Variants in GPC5 observed in about 807,000 individuals in gnomAD.
GPC5 encodes the protein glypican-5.
A neutral mutation model predicts 53.9 loss-of-function variants in GPC5; 47 were observed. The observed-to-expected ratio is 0.87, with a 90% CI of 0.69 to 1.11. GPC5 has a LOEUF of 1.11. Ranked by LOEUF, GPC5 falls within the 50% of genes most tolerant of loss-of-function variation. GPC5 has a pLI of 0.00. For synonymous variants in GPC5, 286 were observed against 263.3 expected (o/e 1.09, Z -0.84); for missense variants, 748 against 713.1 (o/e 1.05, Z -0.56).
intron 6 of GPC5, among the ~76,000 whole-genome samples, chr13:92,132,468 T>C (rs182524303): frequency 6.6e-6 from 1 of 152,080 alleles, no homozygotes; most frequent in Non-Finnish European, 1.5e-5. Context: ...CAGAAGGATA[T>C]GAGGGAGGCT....
At chr13:92,325,856 G>C (rs182047083) in intron 7 of GPC5, among the ~76,000 whole-genome samples, 170 of 152,112 alleles carry the variant, frequency 1.1e-3, no homozygotes, top group Non-Finnish European at 2.2e-3. Context: ...TGGCACAGAG[G>C]GGGTGACGTT....
intron 7 of GPC5, among the ~76,000 whole-genome samples, chr13:92,586,341 A>T (rs1268676352): frequency 6.6e-6 from 1 of 152,246 alleles, no homozygotes; most frequent in Non-Finnish European, 1.5e-5. Context: ...AAGACCATGC[A>T]CTATTCTTAG....
intron 6 of GPC5, among the ~76,000 whole-genome samples, chr13:91,976,890 ATT>A: frequency 6.6e-6 from 1 of 151,936 alleles, no homozygotes; most frequent in African/African-American, 2.4e-5. Context: ...AAACACAAAA[ATT>A]AGCTCGCATG....
intron 7 of GPC5, among the ~76,000 whole-genome samples, chr13:92,838,250 C>T (rs1022713052): frequency 1.3e-4 from 20 of 151,780 alleles, no homozygotes; most frequent in African/African-American, 4.4e-4. Flanking sequence ...TTTGGGAGGC[C>T]GCGGAGGGCG....
chr13:92,609,860 G>C (rs1412093473), intron 7 of GPC5, among the ~76,000 whole-genome samples: 2 of 151,570 alleles, frequency 1.3e-5, no homozygotes, highest in East Asian at 1.9e-4. Flanking sequence ...GTGAAATCCC[G>C]TCTCTACTAA....
At chr13:92,725,684 A>T (rs1378706347) in intron 7 of GPC5, among the ~76,000 whole-genome samples, 1 of 151,666 alleles carries the variant, frequency 6.6e-6, no homozygotes, top group Non-Finnish European at 1.5e-5. Context: ...TCAAATTCTC[A>T]TGTTAAATCT....
intron 7 of GPC5, among the ~76,000 whole-genome samples, chr13:92,406,256 G>A (rs1032322221): frequency 3.3e-5 from 5 of 152,150 alleles, no homozygotes; most frequent in Non-Finnish European, 7.3e-5. Context: ...CAATCACCAG[G>A]AGAGATGCAT....
chr13:91,618,138 T>C (rs9560831), intron 2 of GPC5, among the ~76,000 whole-genome samples: 73,572 of 151,898 alleles, frequency 0.48, 21,024 homozygotes, highest in Non-Finnish European at 0.62. Context: ...ACACAGACAT[T>C]AGAAGGGTGA....
At chr13:92,432,670 T>C (rs1159057549) in intron 7 of GPC5, among the ~76,000 whole-genome samples, 2 of 151,598 alleles carry the variant, frequency 1.3e-5, no homozygotes, top group Non-Finnish European at 1.5e-5. Flanking sequence ...CCATGACGCC[T>C]GGCCATAAAC....
chr13:92,290,131 T>C (rs2042983370), intron 7 of GPC5, among the ~76,000 whole-genome samples: 1 of 152,212 alleles, frequency 6.6e-6, no homozygotes, highest in African/African-American at 2.4e-5. Context: ...TTATACAATT[T>C]TAAGGTAATG....
At chr13:92,263,536 A>G (rs2042780688) in intron 7 of GPC5, among the ~76,000 whole-genome samples, 1 of 152,262 alleles carries the variant, frequency 6.6e-6, no homozygotes, top group East Asian at 1.9e-4. Context: ...TAGATCATTT[A>G]CATTTCTTCT....
intron 5 of GPC5, among the ~76,000 whole-genome samples, chr13:91,849,103 C>T (rs1311939253): frequency 6.6e-6 from 1 of 152,182 alleles, no homozygotes; most frequent in Non-Finnish European, 1.5e-5. Flanking sequence ...CTCTGCAACT[C>T]TTTCCTTCTA....
At chr13:91,759,442 T>C (rs893968470) in intron 5 of GPC5, among the ~76,000 whole-genome samples, 1 of 152,120 alleles carries the variant, frequency 6.6e-6, no homozygotes, top group African/African-American at 2.4e-5. Flanking sequence ...GTAGTCATCC[T>C]GTTGTGCTAT....
chr13:91,432,209 G>GC lies in GPC5; in HGVS notation c.164-16552_164-16551insC, dbSNP rs1196894187. On this transcript the variant is annotated intron_variant, in intron 1 of 7. Transcript: ENST00000377067. ...ACTGCTGCTGCTGCTGCTGCTGTGTGTGTGTGTGTGTGTGTGTGTGTGTGT... is the reference window on the plus strand; with the variant it reads ...ACTGCTGCTGCTGCTGCTGCTGTGTGCTGTGTGTGTGTGTGTGTGTGTGTGT... Among the ~76,000 whole-genome samples the GC allele has an allele frequency of 6.9e-3, 726 of 105,598 alleles. 6 individuals are homozygous for GC. Among genetic ancestry groups the GC allele is most frequent in the African/African-American group, 0.027 (686 of 25,564 alleles). The allele number at this position is 105,598 out of a possible 152,430, so 69.3% of individuals were successfully genotyped here.
chr13:92,047,444 T>A (rs75488294), intron 6 of GPC5, among the ~76,000 whole-genome samples: 2,045 of 40,006 alleles, frequency 0.051, 49 homozygotes, highest in African/African-American at 0.12. Flanking sequence ...ATATATATAT[T>A]TTTTTTTCCT....
At chr13:91,780,147 C>G (rs1415038431) in intron 5 of GPC5, among the ~76,000 whole-genome samples, 1 of 152,174 alleles carries the variant, frequency 6.6e-6, no homozygotes, top group East Asian at 1.9e-4. Context: ...AATTTTTCAG[C>G]TGTATTGTAA....
chr13:92,327,292 T>C (rs2182535), intron 7 of GPC5, among the ~76,000 whole-genome samples: 45,767 of 151,930 alleles, frequency 0.3, 7,206 homozygotes, highest in South Asian at 0.4. Flanking sequence ...GCAGCCCAAT[T>C]TATCTTTTGA....
chr13:92,757,437 TA>T (rs35028532), intron 7 of GPC5, among the ~76,000 whole-genome samples: 129 of 152,254 alleles, frequency 8.5e-4, no homozygotes, highest in Non-Finnish European at 1.5e-3. Context: ...ACTTCGTGTC[TA>T]AAACACCAAA....
At chr13:91,718,844 G>A (rs2036403648) in intron 3 of GPC5, among the ~76,000 whole-genome samples, 1 of 151,902 alleles carries the variant, frequency 6.6e-6, no homozygotes, top group Non-Finnish European at 1.5e-5. Context: ...GCATTTCTTT[G>A]GCACATACTT....
Sources: gnomAD v4.1 joint callset for allele counts (sites outside exome capture counted in the v4.1 genomes callset) on GRCh38, gnomAD v4.1.1 for gene constraint, MANE v1.5 for transcripts, NCBI Gene and HGNC (gene_info 2026-07-23, HGNC 2026-07-21) for gene names.